Variants in PEAK1 observed in about 807,000 individuals in gnomAD.
The protein encoded by PEAK1 is pseudopodium enriched atypical kinase 1, also known as inactive tyrosine-protein kinase PEAK1.
Under a neutral mutation model 124.7 loss-of-function variants are expected in PEAK1, and 54 were observed. That is an observed-to-expected ratio of 0.43 (90% CI 0.35 to 0.54). The LOEUF is 0.54. Ranked by LOEUF, PEAK1 falls within the 20% of genes least tolerant of loss-of-function variation. The pLI is 0.01. For synonymous variants in PEAK1, 719 were observed against 760.0 expected (o/e 0.95, Z 0.89); for missense variants, 2,046 against 2,134.5 (o/e 0.96, Z 0.82).
At chr15:77,155,214 T>C (rs1479280830) in intron 8 of PEAK1, 1 of 152,230 alleles carries the variant, frequency 6.6e-6, no homozygotes, top group African/African-American at 2.4e-5. Flanking sequence ...AAACTTCCCT[T>C]CTCGCCTCAT....
chr15:77,126,355 G>C (rs2052373500), intron 9 of PEAK1, among the ~76,000 whole-genome samples: 2 of 152,146 alleles, frequency 1.3e-5, no homozygotes, highest in South Asian at 4.1e-4. Flanking sequence ...AAGGTACCTA[G>C]TTTGTTTCCA....
At chr15:77,241,420 G>T (rs1209706418) in intron 6 of PEAK1, among the ~76,000 whole-genome samples, 1 of 152,058 alleles carries the variant, frequency 6.6e-6, no homozygotes, top group Non-Finnish European at 1.5e-5. Context: ...AAGGGTGCAA[G>T]ACAAGAATGC....
At chr15:77,196,806 T>A (rs1026385870) in intron 6 of PEAK1, among the ~76,000 whole-genome samples, 16 of 152,098 alleles carry the variant, frequency 1.1e-4, no homozygotes, top group African/African-American at 3.9e-4. Flanking sequence ...ACTTTAAAAA[T>A]TAAAAACAAT....
intron 8 of PEAK1, among the ~76,000 whole-genome samples, chr15:77,148,780 G>C (rs1044043998): frequency 3.3e-5 from 5 of 151,846 alleles, no homozygotes; most frequent in African/African-American, 7.3e-5. Context: ...AAAATTAGCT[G>C]ATCATGTGGT....
chr15:77,158,837 T>C, intron 7 of PEAK1, 141 bp from the exon 8 acceptor site: 1 of 755,136 alleles, frequency 1.3e-6, no homozygotes, highest in Admixed American at 2.6e-5. Flanking sequence ...AAGGCAGTAC[T>C]TCATTTAGGC....
At chr15:77,369,090 CT>C (rs1597468063) in intron 1 of PEAK1, among the ~76,000 whole-genome samples, 1 of 152,162 alleles carries the variant, frequency 6.6e-6, no homozygotes, top group Non-Finnish European at 1.5e-5. Context: ...ACTATTTATA[CT>C]GATAACCATT....
chr15:77,277,521 C>T (rs1054052524), intron 5 of PEAK1, among the ~76,000 whole-genome samples: 3 of 152,104 alleles, frequency 2.0e-5, no homozygotes, highest in South Asian at 4.1e-4. Context: ...ATAGGGGAAA[C>T]TCGGTGAATG....
At chr15:77,268,939 T>C (rs1229879242) in intron 5 of PEAK1, among the ~76,000 whole-genome samples, 1 of 152,092 alleles carries the variant, frequency 6.6e-6, no homozygotes, top group Non-Finnish European at 1.5e-5. Context: ...AGAAAAGATA[T>C]GGTATTTTTC....
At chr15:77,349,694 C>A (rs541729922) in intron 2 of PEAK1, 1 of 985,004 alleles carries the variant, frequency 1.0e-6, no homozygotes, top group South Asian at 4.7e-5. Context: ...CCTTTCTTCA[C>A]GTAGGATTTT....
chr15:77,244,576 T>A (rs144717599), intron 6 of PEAK1, among the ~76,000 whole-genome samples: 1 of 151,798 alleles, frequency 6.6e-6, no homozygotes, highest in South Asian at 2.1e-4. Flanking sequence ...TATGATTTCC[T>A]CAAGGGACTT....
In PEAK1 at chr15:77,113,628, C is replaced by A. The variant is rs138295625; in HGVS notation, c.*528G>T. The A allele has an allele frequency of 6.3e-6, 1 of 158,302 alleles. No individual in the cohort carries two copies. The highest frequency in any genetic ancestry group is 1.4e-5 in the Non-Finnish European group (1 of 71,694). The allele number at this position is 158,302 out of a possible 1,614,324, so 9.8% of individuals were successfully genotyped here. ...GAACAAAAGATATAGTCCCTGGTAA[C>A]CAAAACTGGGCTGATGCTAAGGATG... On this transcript the variant is annotated 3_prime_UTR_variant, in exon 10 of 10. Coordinates refer to ENST00000682557, the MANE Select transcript of PEAK1 (RefSeq NM_001385026.1).
chr15:77,241,767 T>C (rs2060368773), intron 6 of PEAK1, among the ~76,000 whole-genome samples: 2 of 151,826 alleles, frequency 1.3e-5, no homozygotes, highest in Admixed American at 1.3e-4. Flanking sequence ...GGTATAAATC[T>C]AAGAAAGCCA....
chr15:77,408,213 A>G (rs980752802), intron 1 of PEAK1, among the ~76,000 whole-genome samples: 4 of 151,744 alleles, frequency 2.6e-5, no homozygotes, highest in East Asian at 1.9e-4. Flanking sequence ...CAGCCATAAA[A>G]AAGAACAAAA....
chr15:77,222,066 T>C (rs1172594652), intron 6 of PEAK1, among the ~76,000 whole-genome samples: 1 of 151,964 alleles, frequency 6.6e-6, no homozygotes, highest in Non-Finnish European at 1.5e-5. Context: ...TTTTTCAAAA[T>C]AAAGTTGAGG....
chr15:77,230,702 G>A (rs1280221963), intron 6 of PEAK1, among the ~76,000 whole-genome samples: 2 of 152,122 alleles, frequency 1.3e-5, no homozygotes, highest in Non-Finnish European at 2.9e-5. Flanking sequence ...TTTGAGACCA[G>A]CCTGGGCAAC....
chr15:77,354,765 C>T (rs1391309519), intron 2 of PEAK1, among the ~76,000 whole-genome samples: 2 of 152,094 alleles, frequency 1.3e-5, no homozygotes, highest in African/African-American at 4.8e-5. Flanking sequence ...TAGGGCCAGG[C>T]GCGGTGGTTC....
intron 2 of PEAK1, among the ~76,000 whole-genome samples, chr15:77,296,690 T>A (rs1316202634): frequency 6.6e-6 from 1 of 151,334 alleles, no homozygotes; most frequent in Non-Finnish European, 1.5e-5. Context: ...ATCTGAAAAT[T>A]GAAATAAAAT....
intron 8 of PEAK1, among the ~76,000 whole-genome samples, chr15:77,145,633 A>G (rs2054124728): frequency 6.6e-6 from 1 of 152,122 alleles, no homozygotes; most frequent in Non-Finnish European, 1.5e-5. Context: ...GCCTCCTGTC[A>G]TCTCATAGGT....
Position 77,371,181 on chromosome 15 carries a change from C to T in PEAK1, c.-665-5956G>A. ...AGTAAAAACTTCATTATTTTGGTTA[C>T]CTTTTTACTAAGTAATTTTATTCTA... On this transcript the variant is annotated intron_variant, in intron 1 of 9. Transcript: ENST00000682557. 3 of 981,186 alleles carry T rather than the reference C, an allele frequency of 3.1e-6. No individual in the cohort carries two copies. The South Asian group carries it at 1.4e-4, about 46-fold the overall frequency. The allele number at this position is 981,186 out of a possible 1,614,324, so 60.8% of individuals were successfully genotyped here.
Sources: gnomAD v4.1 joint callset for allele counts (sites outside exome capture counted in the v4.1 genomes callset) on GRCh38, gnomAD v4.1.1 for gene constraint, MANE v1.5 for transcripts, NCBI Gene and HGNC (gene_info 2026-07-23, HGNC 2026-07-21) for gene names.